SMC1B: variants seen among roughly 807,000 people sequenced by gnomAD.
SMC1B encodes structural maintenance of chromosomes 1B.
In SMC1B, 60 loss-of-function variants were observed where a neutral mutation model predicts 157.9. That is an observed-to-expected ratio of 0.38 (90% confidence interval 0.31 to 0.47). The LOEUF is 0.47. Among genes scored for constraint, SMC1B ranks in the 20% least tolerant of loss-of-function variants. SMC1B has a pLI of 0.99. For missense variants in SMC1B, 1,165 were observed against 1,426.2 expected, an observed-to-expected ratio of 0.82 and a Z score of 2.95; for synonymous variants, 445 against 483.0, an observed-to-expected ratio of 0.92 and a Z score of 1.03.
intron 1 of SMC1B, among the ~76,000 whole-genome samples, chr22:45,411,401 CAG>C (rs1212604049): frequency 2.6e-5 from 4 of 151,984 alleles, no homozygotes; most frequent in Admixed American, 6.6e-5. Context: ...TCCATAGAGA[CAG>C]AAAGTGAATT....
chr22:45,401,445 G>C (rs2087192222), intron 5 of SMC1B, among the ~76,000 whole-genome samples: 1 of 152,204 alleles, frequency 6.6e-6, no homozygotes, highest in African/African-American at 2.4e-5. Context: ...CAACATGAAG[G>C]CTCCATCTTC....
At position 45,408,707 on chromosome 22, in the gene SMC1B, T is replaced by A; in HGVS notation, c.298+3A>T. On this transcript the variant is annotated splice_donor_region_variant and intron_variant, in intron 2 of 24. Coordinates refer to ENST00000357450, the MANE Select transcript of SMC1B (RefSeq NM_148674.5). ...AAAATGAAAAAAAATTATAAAAAAA[T>A]ACCTCGGATAATCCTTGCAAATGTT... The A allele has an allele frequency of 6.4e-7, 1 of 1,560,072 alleles. No homozygotes were observed. Among genetic ancestry groups the A allele is most frequent in the African/African-American group, 1.4e-5 (1 of 71,938 alleles).
At chr22:45,364,659 T>A (rs1261806207) in intron 15 of SMC1B, among the ~76,000 whole-genome samples, 1 of 152,214 alleles carries the variant, frequency 6.6e-6, no homozygotes, top group South Asian at 2.1e-4. Flanking sequence ...AGAAATTTAT[T>A]TGTGCTGCAG....
In SMC1B at chr22:45,355,079, T is replaced by C. The variant is rs1450103375; in HGVS notation, c.2998A>G (p.Arg1000Gly). ...GATGCTACTTGCTGCAATAAGAGCC[T>C]AAGGTGGGCCTCGATTTCTTGATCA... ...QSDQEIEAHL[R>G]LLLQQVASQE... is the part of the protein sequence containing the mutation. The change falls in exon 20 of 25, where the codon AGG (arginine) becomes GGG (glycine). Residue 1000 changes from arginine (R) to glycine (G), a missense_variant. Coordinates refer to ENST00000357450, the MANE Select transcript of SMC1B (RefSeq NM_148674.5). 3 of 1,614,086 alleles carry C rather than the reference T, an allele frequency of 1.9e-6. No individual in the cohort carries two copies. The highest frequency in any genetic ancestry group is 2.5e-6 in the Non-Finnish European group (3 of 1,180,038).
Position 45,409,596 on chromosome 22 carries a change from ATAAATAAAT to A in SMC1B, c.110-707_110-699del, listed in dbSNP as rs2087305753. On this transcript the variant is annotated intron_variant, in intron 1 of 24. Transcript: ENST00000357450. ...AATAAATAAATAAATAAATAAATAA[ATAAATAAAT>A]AAATAAAAACAAGAGAAGCTAACTA... Among the ~76,000 whole-genome samples the A allele has an allele frequency of 6.2e-5, 5 of 80,116 alleles. No homozygotes were observed. In the South Asian group the frequency reaches 2.4e-3, roughly 39 times the overall value. The allele number at this position is 80,116 out of a possible 152,430, so 52.6% of individuals were successfully genotyped here.
intron 22 of SMC1B, among the ~76,000 whole-genome samples, chr22:45,351,122 C>T (rs1362132711): frequency 1.3e-5 from 2 of 152,224 alleles, no homozygotes; most frequent in African/African-American, 2.4e-5. Flanking sequence ...TTCCCTGCCA[C>T]TCACCATCTC....
At chr22:45,389,691 C>A (rs765054911) in intron 10 of SMC1B, 21 bp downstream of exon 10, 1 of 1,594,054 alleles carries the variant, frequency 6.3e-7, no homozygotes. Flanking sequence ...CTATAAATAC[C>A]AGGCATTACA....
intron 5 of SMC1B, among the ~76,000 whole-genome samples, chr22:45,401,218 TA>T (rs1019357578): frequency 5.9e-5 from 9 of 152,220 alleles, no homozygotes; most frequent in African/African-American, 2.2e-4. Flanking sequence ...ATACAGGGGC[TA>T]AAAATAAATT....
At chr22:45,397,516 C>A (rs1015048116) in intron 6 of SMC1B, among the ~76,000 whole-genome samples, 1 of 152,120 alleles carries the variant, frequency 6.6e-6, no homozygotes, top group African/African-American at 2.4e-5. Context: ...GACCTTCAAG[C>A]CAAAGACAGT....
intron 8 of SMC1B, among the ~76,000 whole-genome samples, chr22:45,394,117 T>C (rs1040064623): frequency 8.6e-5 from 13 of 151,966 alleles, no homozygotes; most frequent in African/African-American, 2.9e-4. Flanking sequence ...GTCTAGGAAT[T>C]TGAGACCAGC....
chr22:45,353,899 A>AAAAAAAAAAAAAG (rs2086640084), intron 21 of SMC1B, 79 bp downstream of exon 21: 1 of 545,576 alleles, frequency 1.8e-6, no homozygotes, highest in Non-Finnish European at 2.8e-6. Flanking sequence ...CCACCAAAAA[A>AAAAAAAAAAAAAG]AAAAAAAAAA....
At chr22:45,344,697 G>T in intron 24 of SMC1B, 40 bp from the exon 25 acceptor site, 2 of 1,400,566 alleles carry the variant, frequency 1.4e-6, no homozygotes, top group South Asian at 1.2e-5. Context: ...CCCCTAATTA[G>T]GGAAAAAGTA....
intron 19 of SMC1B, 84 bp from the exon 20 acceptor site, chr22:45,355,199 C>T (rs2086657978): frequency 7.3e-7 from 1 of 1,376,216 alleles, no homozygotes; most frequent in Non-Finnish European, 1.0e-6. Context: ...GGGCACTTCA[C>T]CATCCCAGGT....
At chr22:45,352,235 A>ACC (rs1258427071) in intron 22 of SMC1B, among the ~76,000 whole-genome samples, 1 of 150,770 alleles carries the variant, frequency 6.6e-6, no homozygotes, top group Admixed American at 6.6e-5. Flanking sequence ...AAAAAAAAAA[A>ACC]CCCCACTAAA....
At chr22:45,366,558 T>C (rs1304702121) in intron 15 of SMC1B, among the ~76,000 whole-genome samples, 1 of 152,158 alleles carries the variant, frequency 6.6e-6, no homozygotes, top group Non-Finnish European at 1.5e-5. Flanking sequence ...AAAAAGACAG[T>C]GATCCCAAAT....
intron 6 of SMC1B, among the ~76,000 whole-genome samples, chr22:45,396,702 T>A: frequency 6.6e-6 from 1 of 152,140 alleles, no homozygotes; most frequent in East Asian, 1.9e-4. Flanking sequence ...TATTTATATT[T>A]GAAACTTATT....
In SMC1B at chr22:45,406,782, C is replaced by T; in HGVS notation, c.382G>A (p.Val128Ile). ...IAELEKIGII[V>I]KAQNCLVFQG... ...AAAACCAAACAATTTTGTGCTTTGACTATTATGCCTATCTTTTCCAACTCT... is the reference window on the plus strand; with the variant it reads ...AAAACCAAACAATTTTGTGCTTTGATTATTATGCCTATCTTTTCCAACTCT... The change falls in exon 3 of 25, where the codon GTC becomes ATC. Residue 128 changes from valine to isoleucine, a missense_variant. By Grantham distance (29) the Val-to-Ile change is conservative. Transcript: ENST00000357450. The T allele has an allele frequency of 3.1e-6, 5 of 1,595,170 alleles. No individual in the cohort carries two copies. Among genetic ancestry groups the T allele is most frequent in the Non-Finnish European group, 4.3e-6 (5 of 1,175,446 alleles).
Position 45,369,426 on chromosome 22 carries a change from C to T in SMC1B, c.2420+528G>A, listed in dbSNP as rs148448777. ...TCTTATTCTTTTAATAACCAGTATA[C>T]GTGTAATTATGCCCCTATTCTCTTA... On this transcript the variant is annotated intron_variant, in intron 15 of 24. Coordinates refer to ENST00000357450, the MANE Select transcript of SMC1B (RefSeq NM_148674.5). Among the ~76,000 whole-genome samples the T allele has an allele frequency of 3.7e-3, 559 of 151,850 alleles. 5 individuals carry two copies. Among genetic ancestry groups the T allele is most frequent in the African/African-American group, 0.013 (527 of 41,410 alleles).
At chr22:45,413,026 G>C (rs893477433) in intron 1 of SMC1B, among the ~76,000 whole-genome samples, 27 of 150,570 alleles carry the variant, frequency 1.8e-4, no homozygotes, top group African/African-American at 5.9e-4. Flanking sequence ...GGCGGGACCG[G>C]GGCGGAGAGG....
Sources: allele counts gnomAD v4.1 joint callset (sites outside exome capture counted in the v4.1 genomes callset), GRCh38; gene constraint gnomAD v4.1.1; transcripts MANE v1.5; gene names NCBI Gene and HGNC (gene_info 2026-07-23, HGNC 2026-07-21).